The following PROM1 variants were observed in gnomAD, a reference collection of about 807,000 sequenced individuals.
PROM1 encodes the protein prominin 1, also known as prominin-1.
PROM1 carries 105 observed loss-of-function variants against 116.9 expected under a neutral mutation model. That is an observed-to-expected ratio of 0.90 (90% CI 0.77 to 1.06). The LOEUF (loss-of-function observed/expected upper bound fraction) is 1.06, where lower values mean the gene tolerates loss of function less well. Ranked by LOEUF, PROM1 falls within the 50% of genes least tolerant of loss-of-function variation. PROM1 has a pLI of 0.00. For missense variants in PROM1, 1,122 were observed against 1,045.2 expected (o/e 1.07, Z -1.01); for synonymous variants, 393 against 387.0 (o/e 1.02, Z -0.18).
intron 8 of PROM1, among the ~76,000 whole-genome samples, chr4:16,020,213 T>C (rs941202471): frequency 1.3e-5 from 2 of 152,192 alleles, no homozygotes; most frequent in African/African-American, 4.8e-5. Flanking sequence ...TTGAACTGTA[T>C]CCTCCTTGGT....
rs779901241 is a variant in PROM1, at chr4:16,006,608, C to A, written c.1384G>T (p.Gly462Cys). 2 of 1,609,934 alleles carry A rather than the reference C, an allele frequency of 1.2e-6. No individual in the cohort carries two copies. Among genetic ancestry groups the A allele is most frequent in the Non-Finnish European group, 1.7e-6 (2 of 1,178,396 alleles). Reference protein sequence around the residue: ...YYLGLLCGVCGYDRHATPTTR... With the variant: ...YYLGLLCGVCCYDRHATPTTR... ...GTCGGGGTGGCATGCCTGTCATAGC[C>A]GCACACGCCACACAGTAAGCCCAGG... The change falls in exon 13 of 28, where the codon GGC (glycine) becomes TGC (cysteine). Residue 462 changes from glycine (G) to cysteine (C), a missense_variant. By Grantham distance (159) the Gly-to-Cys change is radical. Coordinates refer to ENST00000447510, the MANE Select transcript of PROM1 (RefSeq NM_006017.3).
chr4:16,083,429 G>C (rs1745419168), intron 1 of PROM1: 1 of 152,134 alleles, frequency 6.6e-6, no homozygotes, highest in South Asian at 2.1e-4. Flanking sequence ...GGGTTGGACG[G>C]GCACCGGCAC....
intron 2 of PROM1, among the ~76,000 whole-genome samples, chr4:16,072,327 T>C (rs1578318617): frequency 2.6e-5 from 4 of 152,276 alleles, no homozygotes; most frequent in Admixed American, 2.6e-4. Flanking sequence ...AGTGAAAAAC[T>C]TTCCAGTCAG....
intron 2 of PROM1, among the ~76,000 whole-genome samples, chr4:16,049,407 A>C (rs1737332540): frequency 6.6e-6 from 1 of 152,186 alleles, no homozygotes; most frequent in Non-Finnish European, 1.5e-5. Flanking sequence ...TGTGAAGGGG[A>C]AATGATTTTC....
chr4:16,001,456 G>C (rs376808321), intron 13 of PROM1, among the ~76,000 whole-genome samples: 1 of 152,146 alleles, frequency 6.6e-6, no homozygotes, highest in African/African-American at 2.4e-5. Context: ...AACAGCCTAG[G>C]GCTGGGTCTG....
At position 15,993,977 on chromosome 4, in the gene PROM1, T is replaced by C. The variant is rs752618261; in HGVS notation, c.1767+10A>G. The C allele has an allele frequency of 6.2e-7, 1 of 1,611,374 alleles. No homozygotes were observed. Among genetic ancestry groups the C allele is most frequent in the African/African-American group, 1.3e-5 (1 of 74,978 alleles). On this transcript the variant is annotated intron_variant, in intron 16 of 27. Coordinates refer to ENST00000447510, the MANE Select transcript of PROM1 (RefSeq NM_006017.3). ...TGTGTTATGTCGATTCCATGACGAG[T>C]TCTAATTACCTCATTAATGTTGAGA...
At chr4:15,995,427 GGAA>G (rs762174546) in intron 15 of PROM1, among the ~76,000 whole-genome samples, 100 of 151,684 alleles carry the variant, frequency 6.6e-4, no homozygotes, top group African/African-American at 2.1e-3. Context: ...AGGAGGAAGA[GGAA>G]GAAGAAGAAG....
intron 19 of PROM1, among the ~76,000 whole-genome samples, chr4:15,988,430 GCC>G (rs1216219131): frequency 2.8e-4 from 42 of 152,342 alleles, no homozygotes; most frequent in Non-Finnish European, 5.4e-4. Flanking sequence ...GGTTTTATCT[GCC>G]ATAGTCCCAA....
At chr4:16,005,402 T>C (rs1381761544) in intron 13 of PROM1, among the ~76,000 whole-genome samples, 1 of 152,156 alleles carries the variant, frequency 6.6e-6, no homozygotes, top group Non-Finnish European at 1.5e-5. Context: ...TATACCATAC[T>C]GGAGCCTAAT....
intron 13 of PROM1, among the ~76,000 whole-genome samples, chr4:16,003,017 A>C (rs566444824): frequency 3.3e-5 from 5 of 152,362 alleles, no homozygotes; most frequent in African/African-American, 1.2e-4. Flanking sequence ...GTGTATGGCC[A>C]GCAGAACCTA....
chr4:16,053,602 C>G (rs80166285), intron 2 of PROM1, among the ~76,000 whole-genome samples: 1 of 152,152 alleles, frequency 6.6e-6, no homozygotes, highest in Non-Finnish European at 1.5e-5. Context: ...TCAATATTCT[C>G]TAGAAATGCA....
At chr4:15,974,118 T>TTCTCTCTCTCTCTCTCTCTC (rs35011290) in intron 26 of PROM1, among the ~76,000 whole-genome samples, 3 of 149,474 alleles carry the variant, frequency 2.0e-5, no homozygotes, top group African/African-American at 7.4e-5. Flanking sequence ...CTCTCTCTCT[T>TTCTCTCTCTCTCTCTCTCTC]TCTCTCTCTC....
intron 12 of PROM1, among the ~76,000 whole-genome samples, chr4:16,008,202 A>G (rs1173969697): frequency 6.6e-6 from 1 of 152,236 alleles, no homozygotes; most frequent in African/African-American, 2.4e-5. Context: ...TGGGAGATAT[A>G]AAGGGTTGCT....
At chr4:16,010,293 T>C (rs906574412) in intron 11 of PROM1, among the ~76,000 whole-genome samples, 2 of 152,202 alleles carry the variant, frequency 1.3e-5, no homozygotes, top group Admixed American at 1.3e-4. Context: ...TGAAGGTGGC[T>C]GTATCCAAGT....
In PROM1 at chr4:16,025,250, C is replaced by T. The variant is rs753389458; in HGVS notation, c.572G>A (p.Arg191Gln). ...HQVRTRIKRS[R>Q]KLADSNFKDL... ...CTTGAAATTGCTATCTGCCAGTTTCCGACTCCTTTTGATCCGGGTTCTTAC... is the reference window on the plus strand; with the variant it reads ...CTTGAAATTGCTATCTGCCAGTTTCTGACTCCTTTTGATCCGGGTTCTTAC... Residue 191 changes from arginine to glutamine, a missense_variant, in exon 6 of 28, where the codon CGG becomes CAG. Physicochemically the swap from Arg to Gln is conservative, Grantham distance 43. Transcript: ENST00000447510. 4.8e-5 allele frequency: 77 copies of T among 1,613,744 alleles called. No individual in the cohort carries two copies. The highest frequency in any genetic ancestry group is 6.7e-5 in the East Asian group (3 of 44,894).
chr4:15,994,650 GC>G (rs1409333401), intron 15 of PROM1, among the ~76,000 whole-genome samples: 2 of 152,134 alleles, frequency 1.3e-5, no homozygotes, highest in African/African-American at 2.4e-5. Context: ...ACCTCACCAT[GC>G]CTCAATCATA....
chr4:15,989,697 G>T, intron 19 of PROM1, 35 bp downstream of exon 19: 1 of 1,518,252 alleles, frequency 6.6e-7, no homozygotes, highest in Non-Finnish European at 9.0e-7. Context: ...TTTTGCTCAG[G>T]TCACAGTGAA....
intron 18 of PROM1, 96 bp from the exon 19 acceptor site, chr4:15,989,920 C>T (rs963881807): frequency 1.0e-6 from 1 of 956,088 alleles, no homozygotes; most frequent in Non-Finnish European, 1.6e-6. Context: ...GGAGGGCTGC[C>T]ATGACATAAG....
At chr4:16,071,775 G>A (rs1046388785) in intron 2 of PROM1, among the ~76,000 whole-genome samples, 1 of 152,144 alleles carries the variant, frequency 6.6e-6, no homozygotes, top group African/African-American at 2.4e-5. Context: ...TGTTGTTTAA[G>A]TTACCTAGTC....
Sources: gnomAD v4.1 joint callset for allele counts (sites outside exome capture counted in the v4.1 genomes callset) on GRCh38, gnomAD v4.1.1 for gene constraint, MANE v1.5 for transcripts, NCBI Gene and HGNC (gene_info 2026-07-23, HGNC 2026-07-21) for gene names.